Variants in TRPM6 observed in about 807,000 individuals in gnomAD.
TRPM6 encodes transient receptor potential cation channel subfamily M member 6.
A neutral mutation model predicts 247.6 loss-of-function variants in TRPM6; 111 were observed. The observed-to-expected ratio is 0.45, with a 90% CI of 0.38 to 0.52. TRPM6 has a LOEUF of 0.52. TRPM6 is among the 20% of genes least tolerant of loss of function. The pLI, the probability that TRPM6 is intolerant of heterozygous loss-of-function variation, is 0.00. For missense variants in TRPM6, 2,126 were observed against 2,421.5 expected (o/e 0.88, Z 2.56); for synonymous variants, 892 against 853.8 (o/e 1.04, Z -0.78).
intron 3 of TRPM6, among the ~76,000 whole-genome samples, chr9:74,848,138 A>C (rs1468310327): frequency 2.6e-5 from 4 of 152,180 alleles, no homozygotes; most frequent in Non-Finnish European, 5.9e-5. Context: ...TAGAAGATGG[A>C]TTTGTACCAC....
intron 38 of TRPM6, among the ~76,000 whole-genome samples, chr9:74,725,386 T>C (rs1441211324): frequency 3.3e-5 from 5 of 152,144 alleles, no homozygotes; most frequent in Non-Finnish European, 7.4e-5. Context: ...TAATGTTAAA[T>C]GAGGATTATG....
chr9:74,773,203 G>A (rs1399512290), intron 24 of TRPM6, among the ~76,000 whole-genome samples: 2 of 152,184 alleles, frequency 1.3e-5, no homozygotes, highest in African/African-American at 4.8e-5. Flanking sequence ...CTATCAAAGT[G>A]TATATTTGTG....
At position 74,851,293 on chromosome 9, in the gene TRPM6, G is replaced by A. The variant is rs574009223; in HGVS notation, c.152+4234C>T. Among the ~76,000 whole-genome samples, 29 of 151,892 alleles carry A rather than the reference G, an allele frequency of 1.9e-4. 1 individual carries two copies. In the South Asian group the frequency reaches 5.8e-3, roughly 30 times the overall value. On this transcript the variant is annotated intron_variant, in intron 3 of 38. Transcript: ENST00000360774. ...TTCCAGGAGGGGGGTTAAAAAAAATGTCAATTCCCTCTCAAATTGTTTTAT... is the reference window on the plus strand; with the variant it reads ...TTCCAGGAGGGGGGTTAAAAAAAATATCAATTCCCTCTCAAATTGTTTTAT...
intron 1 of TRPM6, among the ~76,000 whole-genome samples, chr9:74,876,578 A>G (rs1831197598): frequency 1.3e-5 from 2 of 152,238 alleles, no homozygotes; most frequent in Admixed American, 6.5e-5. Flanking sequence ...TGACACTAGG[A>G]TTCATATACA....
At chr9:74,782,884 T>A in intron 21 of TRPM6, 31 bp from the exon 22 acceptor site, 2 of 1,609,662 alleles carry the variant, frequency 1.2e-6, no homozygotes, top group Non-Finnish European at 1.7e-6. Flanking sequence ...ACCAGAATTT[T>A]ACCACAGATT....
chr9:74,827,720 T>C, intron 7 of TRPM6, 58 bp downstream of exon 7: 3 of 1,576,302 alleles, frequency 1.9e-6, no homozygotes, highest in African/African-American at 1.3e-5. Context: ...GGGAAGACCA[T>C]GAAAGACCTC....
chr9:74,724,225 A>T lies in TRPM6; in HGVS notation c.*388T>A, dbSNP rs1825239159. 3.6e-6 allele frequency: 1 copy of T among 274,416 alleles called. No homozygotes were observed. Among genetic ancestry groups the T allele is most frequent in the Admixed American group, 4.8e-5 (1 of 20,694 alleles). The allele number at this position is 274,416 out of a possible 1,614,324, so 17.0% of individuals were successfully genotyped here. On this transcript the variant is annotated 3_prime_UTR_variant, in exon 39 of 39. Coordinates refer to ENST00000360774, the MANE Select transcript of TRPM6 (RefSeq NM_017662.5). ...TGTGGGTGAGGTGACAAATAGTAGT[A>T]GGGGGTCCAGTCTGCATACATAGTG...
chr9:74,856,960 A>C (rs1227514588), intron 2 of TRPM6, among the ~76,000 whole-genome samples: 1 of 152,248 alleles, frequency 6.6e-6, no homozygotes, highest in Non-Finnish European at 1.5e-5. Flanking sequence ...TGGAACATTC[A>C]TGGAATTACA....
At chr9:74,849,861 G>C (rs138487688) in intron 3 of TRPM6, among the ~76,000 whole-genome samples, 13 of 152,328 alleles carry the variant, frequency 8.5e-5, no homozygotes, top group Non-Finnish European at 1.9e-4. Context: ...GTAAGGATTG[G>C]TTGGACAAGG....
At chr9:74,816,124 AG>A (rs1307343249) in intron 11 of TRPM6, among the ~76,000 whole-genome samples, 2 of 152,342 alleles carry the variant, frequency 1.3e-5, no homozygotes, top group African/African-American at 4.8e-5. Context: ...AGACCAAGGT[AG>A]CAAGATCATT....
intron 20 of TRPM6, among the ~76,000 whole-genome samples, chr9:74,787,282 C>T (rs1430118143): frequency 1.3e-5 from 2 of 151,488 alleles, no homozygotes; most frequent in African/African-American, 4.9e-5. Context: ...TTGCAGTGAG[C>T]CGAGATCTCA....
At chr9:74,824,839 T>C (rs909781574) in intron 7 of TRPM6, among the ~76,000 whole-genome samples, 7 of 151,882 alleles carry the variant, frequency 4.6e-5, no homozygotes, top group African/African-American at 7.2e-5. Flanking sequence ...ACATTTCAAA[T>C]GGCTGAAAGC....
At chr9:74,799,131 C>A (rs1437511444) in intron 17 of TRPM6, among the ~76,000 whole-genome samples, 1 of 152,058 alleles carries the variant, frequency 6.6e-6, no homozygotes, top group Non-Finnish European at 1.5e-5. Context: ...CTGATATTTT[C>A]TTTAAAAGGA....
intron 5 of TRPM6, among the ~76,000 whole-genome samples, chr9:74,838,412 T>C (rs550106626): frequency 1.6e-4 from 24 of 152,370 alleles, no homozygotes; most frequent in African/African-American, 5.8e-4. Flanking sequence ...GTTACCTATT[T>C]GTGATGGGCC....
intron 27 of TRPM6, 36 bp downstream of exon 27, chr9:74,761,660 C>T: frequency 7.2e-7 from 1 of 1,379,900 alleles, no homozygotes; most frequent in South Asian, 1.2e-5. Context: ...ACCTTGACTG[C>T]TCAAAACCTA....
rs990270197 is a variant in TRPM6, at chr9:74,841,209, G to A, written c.330+957C>T. The stretch of plus-strand genomic sequence containing the variant: ...AAGATGAGGGAAATCAAAGCCAGCA[G>A]GTAGCCCCAGAATCATTTTTTATTT... On this transcript the variant is annotated intron_variant, in intron 4 of 38. Transcript: ENST00000360774. 1.5e-4 allele frequency among the ~76,000 whole-genome samples: 23 copies of A among 152,294 alleles called. 1 individual carries two copies. Among genetic ancestry groups the A allele is most frequent in the Admixed American group, 1.2e-3 (19 of 15,292 alleles).
chr9:74,816,105 C>T (rs1446667624), intron 11 of TRPM6, among the ~76,000 whole-genome samples: 1 of 152,160 alleles, frequency 6.6e-6, no homozygotes, highest in African/African-American at 2.4e-5. Context: ...GTAATTCTGG[C>T]ACTTTGGGAG....
intron 1 of TRPM6, among the ~76,000 whole-genome samples, chr9:74,882,983 A>G (rs1424102280): frequency 6.6e-6 from 1 of 152,140 alleles, no homozygotes; most frequent in Non-Finnish European, 1.5e-5. Context: ...TTTCATCTCG[A>G]AAAACTGAAA....
chr9:74,883,170 T>C (rs1393047077), intron 1 of TRPM6, among the ~76,000 whole-genome samples: 1 of 152,178 alleles, frequency 6.6e-6, no homozygotes, highest in African/African-American at 2.4e-5. Flanking sequence ...GGTTCATCCA[T>C]GTTGTAGCAT....
Sources: gnomAD v4.1 joint callset for allele counts (sites outside exome capture counted in the v4.1 genomes callset) on GRCh38, gnomAD v4.1.1 for gene constraint, MANE v1.5 for transcripts, NCBI Gene and HGNC (gene_info 2026-07-23, HGNC 2026-07-21) for gene names.